BIRC6: variants seen among roughly 807,000 people sequenced by gnomAD.
BIRC6 encodes the protein baculoviral IAP repeat containing 6.
A neutral mutation model predicts 503.3 loss-of-function variants in BIRC6; 98 were observed. That is an observed-to-expected ratio of 0.19 (90% CI 0.17 to 0.23). The LOEUF (loss-of-function observed/expected upper bound fraction) is 0.23. BIRC6 is among the 10% of genes least tolerant of loss of function. BIRC6 has a pLI of 1.00. For synonymous variants in BIRC6, 2,240 were observed against 2,078.7 expected (o/e 1.08, Z -2.11); for missense variants, 5,360 against 5,806.0 (o/e 0.92, Z 2.50).
chr2:32,381,798 C>T (rs368703672), intron 3 of BIRC6, among the ~76,000 whole-genome samples: 14 of 152,210 alleles, frequency 9.2e-5, no homozygotes, highest in African/African-American at 3.4e-4. Flanking sequence ...CCCATCTCGG[C>T]CTCCCAAAGT....
chr2:32,592,130 T>G (rs1007368149), intron 66 of BIRC6, among the ~76,000 whole-genome samples: 1 of 152,202 alleles, frequency 6.6e-6, no homozygotes, highest in Non-Finnish European at 1.5e-5. Context: ...TCTCCTTATA[T>G]ATGCAAAAAC....
chr2:32,592,939 T>C (rs1404423726), intron 66 of BIRC6, among the ~76,000 whole-genome samples: 1 of 152,166 alleles, frequency 6.6e-6, no homozygotes, highest in Non-Finnish European at 1.5e-5. Flanking sequence ...TTTTTATAGT[T>C]CTCTAAGGCT....
intron 65 of BIRC6, among the ~76,000 whole-genome samples, chr2:32,561,316 A>G (rs1321483449): frequency 6.7e-6 from 1 of 150,048 alleles, no homozygotes; most frequent in African/African-American, 2.5e-5. Flanking sequence ...ATCTTGGCTC[A>G]CTGCAACCTC....
intron 46 of BIRC6, 76 bp downstream of exon 46, chr2:32,500,185 C>T: frequency 7.7e-7 from 1 of 1,306,536 alleles, no homozygotes; most frequent in Non-Finnish European, 1.1e-6. Flanking sequence ...TATATGGATT[C>T]ATTTTCTTTT....
Position 32,464,754 on chromosome 2 carries a change from A to C in BIRC6, c.5187A>C (p.Pro1729=). ...VINAELAQLF[P]GSVIDPPAVN... ...ATGCCGAACTTGCACAGCTTTTCCC[A>C]GGCTCAGTCATTGATCCCCCAGCAG... Residue 1729 remains proline, a synonymous_variant, in exon 25 of 74, where the codon CCA becomes CCC. Coordinates refer to ENST00000421745, the MANE Select transcript of BIRC6 (RefSeq NM_016252.4). 9.3e-6 allele frequency: 15 copies of C among 1,614,030 alleles called. No homozygotes were observed. Among genetic ancestry groups the C allele is most frequent in the Non-Finnish European group, 1.3e-5 (15 of 1,179,884 alleles).
intron 16 of BIRC6, among the ~76,000 whole-genome samples, chr2:32,440,751 T>TTATTATTATTATTATTA (rs1553429507): frequency 1.4e-5 from 2 of 147,150 alleles, no homozygotes; most frequent in African/African-American, 5.1e-5. Context: ...TGTTTATTTA[T>TTATTATTATTATTATTA]TTATTATTAT....
intron 10 of BIRC6, among the ~76,000 whole-genome samples, chr2:32,417,680 CT>C (rs1438162569): frequency 1.3e-5 from 2 of 152,188 alleles, no homozygotes; most frequent in African/African-American, 4.8e-5. Flanking sequence ...TGTTTTTCCT[CT>C]CTTTAAATAG....
At chr2:32,372,952 C>G (rs944288768) in intron 1 of BIRC6, among the ~76,000 whole-genome samples, 1 of 152,126 alleles carries the variant, frequency 6.6e-6, no homozygotes, top group African/African-American at 2.4e-5. Context: ...TTTATGTCTC[C>G]AGGGTAAATA....
intron 22 of BIRC6, 65 bp from the exon 23 acceptor site, chr2:32,453,743 T>C: frequency 6.8e-7 from 1 of 1,470,384 alleles, no homozygotes; most frequent in South Asian, 1.2e-5. Context: ...GCTATAATTA[T>C]TGTTGTGACT....
At chr2:32,502,058 T>C (rs1285362193) in intron 47 of BIRC6, among the ~76,000 whole-genome samples, 170 bp downstream of exon 47, 2 of 152,212 alleles carry the variant, frequency 1.3e-5, no homozygotes, top group Non-Finnish European at 2.9e-5. Flanking sequence ...TAAAGTTTCT[T>C]TGAAGTGGTA....
intron 9 of BIRC6, among the ~76,000 whole-genome samples, chr2:32,409,717 G>A (rs1380919543): frequency 1.3e-5 from 2 of 152,208 alleles, no homozygotes; most frequent in African/African-American, 4.8e-5. Flanking sequence ...CTTACCTGAG[G>A]AAGTTTGGTT....
At chr2:32,579,914 A>G (rs1461805441) in intron 66 of BIRC6, among the ~76,000 whole-genome samples, 2 of 151,378 alleles carry the variant, frequency 1.3e-5, no homozygotes, top group Non-Finnish European at 2.9e-5. Flanking sequence ...TCTTCTTTCT[A>G]AGGGGCTGAC....
intron 61 of BIRC6, among the ~76,000 whole-genome samples, chr2:32,537,026 G>A (rs2150142998): frequency 6.6e-6 from 1 of 152,224 alleles, no homozygotes; most frequent in East Asian, 1.9e-4. Flanking sequence ...TGAAGCAATT[G>A]TGAATGGGAG....
intron 73 of BIRC6, among the ~76,000 whole-genome samples, chr2:32,615,879 C>T (rs1221918854): frequency 2.0e-5 from 3 of 152,054 alleles, no homozygotes; most frequent in East Asian, 1.9e-4. Flanking sequence ...GTGATCTGCC[C>T]GCCATGGCCT....
At chr2:32,459,075 A>G (rs190365344) in intron 23 of BIRC6, among the ~76,000 whole-genome samples, 206 of 152,234 alleles carry the variant, frequency 1.4e-3, no homozygotes, top group African/African-American at 4.5e-3. Flanking sequence ...GGTTTTAAAA[A>G]TTGATTTTCT....
intron 70 of BIRC6, among the ~76,000 whole-genome samples, chr2:32,600,324 GT>G (rs1007022803): frequency 2.6e-4 from 40 of 152,262 alleles, no homozygotes; most frequent in Admixed American, 9.8e-4. Context: ...AGAGTAATCT[GT>G]TTTTCAGAGG....
At chr2:32,585,886 G>C (rs1232248555) in intron 66 of BIRC6, among the ~76,000 whole-genome samples, 1 of 152,084 alleles carries the variant, frequency 6.6e-6, no homozygotes, top group Non-Finnish European at 1.5e-5. Context: ...GGTATATATT[G>C]ATTTTTCTGC....
chr2:32,558,912 TAGTTTTTTTA>T (rs1271391386), intron 65 of BIRC6: 16 of 152,234 alleles, frequency 1.1e-4, no homozygotes, highest in African/African-American at 3.9e-4. Context: ...CTCTATTTTT[TAGTTTTTTTA>T]GGTTTTTTAT....
At position 32,471,107 on chromosome 2, in the gene BIRC6, C is replaced by G. The variant is rs776787508; in HGVS notation, c.6575C>G (p.Ala2192Gly). 1.5e-5 allele frequency: 24 copies of G among 1,572,902 alleles called. No individual in the cohort carries two copies. Among genetic ancestry groups the G allele is most frequent in the Non-Finnish European group, 2.0e-5 (23 of 1,156,958 alleles). ...VATVEDEAAA[A>G]KKPLNGNQWS... ...ACTGTTGAAGATGAAGCAGCAGCTG[C>G]AAAGAAACCTTTGAATGGTAAAGAC... Residue 2192 changes from alanine to glycine, a missense_variant, in exon 32 of 74, where the codon GCA becomes GGA. Around this residue, in one of 16 missense-constraint regions of BIRC6, gnomAD observed 2,299 missense variants for 2,267.2 expected, o/e 1.01. Coordinates refer to ENST00000421745, the MANE Select transcript of BIRC6 (RefSeq NM_016252.4).
Sources: gnomAD v4.1 joint callset for allele counts (sites outside exome capture counted in the v4.1 genomes callset) on GRCh38, gnomAD v4.1.1 for gene constraint, gnomAD v4.1.1 regional missense constraint, MANE v1.5 for transcripts, NCBI Gene and HGNC (gene_info 2026-07-23, HGNC 2026-07-21) for gene names.